Variants in MPP7 observed in about 807,000 individuals in gnomAD.
MPP7 encodes the protein MAGUK p55 subfamily member 7.
Under a neutral mutation model 76.5 loss-of-function variants are expected in MPP7, and 60 were observed. The observed-to-expected ratio is 0.78, with a 90% confidence interval of 0.64 to 0.97. The LOEUF is 0.97. Among genes scored for constraint, MPP7 ranks in the 50% least tolerant of loss-of-function variants. MPP7 has a pLI of 0.00. For missense variants in MPP7, 641 were observed against 694.0 expected (o/e 0.92, Z 0.86); for synonymous variants, 237 against 244.5 (o/e 0.97, Z 0.29).
chr10:28,119,001 T>C (rs1320741078), intron 11 of MPP7: 1 of 985,220 alleles, frequency 1.0e-6, no homozygotes, highest in Non-Finnish European at 1.2e-6. Flanking sequence ...AGGGAATTTA[T>C]GGGATGCAGA....
intron 3 of MPP7, among the ~76,000 whole-genome samples, chr10:28,189,470 G>A (rs1164825586): frequency 6.8e-6 from 1 of 147,294 alleles, no homozygotes; most frequent in African/African-American, 2.5e-5. Context: ...TTGGGAGGTT[G>A]AGAAGTGGGA....
chr10:28,136,443 A>G (rs1342744392), intron 5 of MPP7, among the ~76,000 whole-genome samples: 1 of 152,120 alleles, frequency 6.6e-6, no homozygotes, highest in Non-Finnish European at 1.5e-5. Flanking sequence ...CAATGACTCA[A>G]AATTACTAGG....
intron 8 of MPP7, among the ~76,000 whole-genome samples, 198 bp from the exon 9 acceptor site, chr10:28,120,866 A>T (rs1202102685): frequency 6.6e-6 from 1 of 152,238 alleles, no homozygotes; most frequent in African/African-American, 2.4e-5. Flanking sequence ...AGAATAAGTT[A>T]AAAAACATTA....
intron 3 of MPP7, among the ~76,000 whole-genome samples, chr10:28,166,968 T>A (rs1836485766): frequency 2.0e-5 from 3 of 152,188 alleles, no homozygotes; most frequent in Admixed American, 2.0e-4. Context: ...TTTACCTATT[T>A]TGCTATCAAT....
chr10:28,199,685 C>A (rs1837704959), intron 3 of MPP7, among the ~76,000 whole-genome samples: 1 of 152,120 alleles, frequency 6.6e-6, no homozygotes, highest in Non-Finnish European at 1.5e-5. Flanking sequence ...CAGCTCACTG[C>A]AGCCTTGACC....
chr10:28,193,516 A>G (rs1260355050), intron 3 of MPP7, among the ~76,000 whole-genome samples: 2 of 152,158 alleles, frequency 1.3e-5, no homozygotes, highest in Non-Finnish European at 2.9e-5. Context: ...TGGCCTGACA[A>G]TGAGTTTTTA....
intron 2 of MPP7, among the ~76,000 whole-genome samples, chr10:28,316,830 C>T (rs1389570576): frequency 6.6e-6 from 1 of 152,144 alleles, no homozygotes; most frequent in Non-Finnish European, 1.5e-5. Context: ...CTGCCTTTAA[C>T]GTGACTCAGC....
intron 16 of MPP7, among the ~76,000 whole-genome samples, chr10:28,055,585 T>C (rs1046945831): frequency 6.6e-6 from 1 of 152,228 alleles, no homozygotes; most frequent in African/African-American, 2.4e-5. Flanking sequence ...ACAATCATCA[T>C]TTCCAATAAC....
intron 3 of MPP7, among the ~76,000 whole-genome samples, chr10:28,195,513 T>C (rs957817414): frequency 1.3e-5 from 2 of 152,186 alleles, no homozygotes; most frequent in South Asian, 2.1e-4. Context: ...GATGAAAGGA[T>C]GAACGAAGTG....
intron 3 of MPP7, among the ~76,000 whole-genome samples, chr10:28,159,384 A>G (rs1836180192): frequency 1.3e-5 from 2 of 152,252 alleles, no homozygotes; most frequent in Non-Finnish European, 2.9e-5. Flanking sequence ...GAATTTTTAA[A>G]AATTTATTCA....
In MPP7 at chr10:28,176,875, C is replaced by T. The variant is rs1429965358; in HGVS notation, c.156+25278G>A. Reference sequence around the variant, plus strand: ...GGGAACATCACACAGCGGAGCCTGTCGTGGGGTGGGGGGGTGGGGGAGGGA... The same window carrying T: ...GGGAACATCACACAGCGGAGCCTGTTGTGGGGTGGGGGGGTGGGGGAGGGA... On this transcript the variant is annotated intron_variant, in intron 3 of 16. Transcript: ENST00000683449. 5.9e-4 allele frequency among the ~76,000 whole-genome samples: 10 copies of T among 16,998 alleles called. 1 individual carries two copies. The highest frequency in any genetic ancestry group is 2.5e-3 in the African/African-American group (10 of 3,964). The allele number at this position is 16,998 out of a possible 152,430, so 11.2% of individuals were successfully genotyped here.
At chr10:28,144,179 T>C (rs372114786) in intron 5 of MPP7, among the ~76,000 whole-genome samples, 123 of 152,228 alleles carry the variant, frequency 8.1e-4, no homozygotes, top group African/African-American at 2.7e-3. Flanking sequence ...GAATTATTCC[T>C]ATAGGCTCCC....
intron 1 of MPP7, among the ~76,000 whole-genome samples, chr10:28,285,625 G>A (rs1022839234): frequency 6.6e-6 from 1 of 152,144 alleles, no homozygotes; most frequent in African/African-American, 2.4e-5. Context: ...AATGGATCTA[G>A]GCAATGGTTA....
chr10:28,086,209 G>A (rs574675380), intron 12 of MPP7, among the ~76,000 whole-genome samples: 30 of 152,198 alleles, frequency 2.0e-4, no homozygotes, highest in Non-Finnish European at 2.8e-4. Context: ...CCTAGATGAC[G>A]GGTTGATGGG....
At chr10:28,306,001 G>A (rs1051484999), upstream of MPP7, 1 of 152,164 alleles carries the variant, frequency 6.6e-6, no homozygotes, top group South Asian at 2.1e-4. Flanking sequence ...CCAGAACTAG[G>A]GCAGAATTGA....
chr10:28,148,096 T>C (rs1835767386), intron 4 of MPP7, among the ~76,000 whole-genome samples: 1 of 152,212 alleles, frequency 6.6e-6, no homozygotes, highest in Non-Finnish European at 1.5e-5. Flanking sequence ...TGTTTACCTA[T>C]ACAGATGAAG....
At chr10:28,130,081 C>T (rs927653346) in intron 6 of MPP7, among the ~76,000 whole-genome samples, 4 of 152,094 alleles carry the variant, frequency 2.6e-5, no homozygotes, top group African/African-American at 7.2e-5. Context: ...TGAGCAGATG[C>T]AACCTAGCTT....
At chr10:28,256,194 G>A (rs1839780161) in intron 1 of MPP7, among the ~76,000 whole-genome samples, 1 of 151,970 alleles carries the variant, frequency 6.6e-6, no homozygotes, top group South Asian at 2.1e-4. Context: ...ATGGCAGAGA[G>A]AAAAGTTACC....
chr10:28,053,911 G>A lies in MPP7; in HGVS notation c.*154C>T, dbSNP rs1851446813. The A allele has an allele frequency of 1.5e-6, 1 of 647,158 alleles. No homozygotes were observed. The highest frequency in any genetic ancestry group is 2.7e-6 in the Non-Finnish European group (1 of 370,462). 40.1% of individuals were successfully genotyped at this position (647,158 alleles called of 1,614,324 possible). A position where few individuals can be genotyped will look rare whatever the true frequency, so the allele number is the denominator to read the frequency against. On this transcript the variant is annotated 3_prime_UTR_variant, in exon 17 of 17. Transcript: ENST00000683449. The stretch of plus-strand genomic sequence containing the variant: ...TACTAACACATGGCGTTTGAAATAA[G>A]GCTGTAAAAAGATACAAACAAAACC...
Sources: allele counts gnomAD v4.1 joint callset (sites outside exome capture counted in the v4.1 genomes callset), GRCh38; gene constraint gnomAD v4.1.1; transcripts MANE v1.5; gene names NCBI Gene and HGNC (gene_info 2026-07-23, HGNC 2026-07-21).